The following CTTNBP2 variants were observed in gnomAD, a reference collection of about 807,000 sequenced individuals.
CTTNBP2 encodes cortactin binding protein 2.
CTTNBP2 carries 108 observed loss-of-function variants against 156.9 expected under a neutral mutation model. The ratio of observed to expected loss-of-function variants is 0.69; its 90% CI spans 0.59 to 0.81. The LOEUF (loss-of-function observed/expected upper bound fraction) is 0.81, where lower values mean the gene tolerates loss of function less well. Ranked by LOEUF, CTTNBP2 falls within the 30% of genes least tolerant of loss-of-function variation. CTTNBP2 has a pLI of 0.00. For missense variants in CTTNBP2, 1,924 were observed against 2,035.4 expected (o/e 0.95, Z 1.05); for synonymous variants, 767 against 751.8 (o/e 1.02, Z -0.33).
intron 2 of CTTNBP2, among the ~76,000 whole-genome samples, chr7:117,832,117 C>T (rs903586150): frequency 6.6e-6 from 1 of 152,192 alleles, no homozygotes; most frequent in Non-Finnish European, 1.5e-5. Context: ...CATGCCCTGG[C>T]TGTGACACTG....
At chr7:117,819,373 A>T (rs62471783) in intron 2 of CTTNBP2, among the ~76,000 whole-genome samples, 88,227 of 138,480 alleles carry the variant, frequency 0.64, 27,002 homozygotes, top group African/African-American at 0.71. Context: ...TCTCTCACAC[A>T]CACACACACA....
intron 17 of CTTNBP2, 41 bp from the exon 18 acceptor site, chr7:117,725,298 T>C: frequency 1.3e-6 from 2 of 1,556,400 alleles, no homozygotes; most frequent in South Asian, 1.1e-5. Flanking sequence ...GGAGCAGGCT[T>C]CTCAATAATT....
At chr7:117,771,700 G>A (rs1322549256) in intron 8 of CTTNBP2, among the ~76,000 whole-genome samples, 5 of 152,186 alleles carry the variant, frequency 3.3e-5, no homozygotes, top group Non-Finnish European at 5.9e-5. Flanking sequence ...CAAACATTTA[G>A]TACTTTTGGG....
intron 22 of CTTNBP2, among the ~76,000 whole-genome samples, chr7:117,713,221 T>C (rs1751495945): frequency 6.6e-6 from 1 of 152,216 alleles, no homozygotes; most frequent in Admixed American, 6.5e-5. Flanking sequence ...ACTGCTGTCC[T>C]AAATGGTAGC....
chr7:117,861,410 T>C (rs1336391104), intron 1 of CTTNBP2, 94 bp from the exon 2 acceptor site: 38 of 842,626 alleles, frequency 4.5e-5, no homozygotes, highest in Non-Finnish European at 6.9e-5. Flanking sequence ...TTTATCCCAG[T>C]GGCTCGGCAG....
At chr7:117,794,734 A>G (rs1052787097) in intron 3 of CTTNBP2, among the ~76,000 whole-genome samples, 4 of 152,210 alleles carry the variant, frequency 2.6e-5, no homozygotes, top group African/African-American at 9.7e-5. Flanking sequence ...CCATAAATAG[A>G]TAATCAGGAA....
Position 117,820,329 on chromosome 7 carries a change from C to T in CTTNBP2, c.190-9340G>A, listed in dbSNP as rs183165960. Among the ~76,000 whole-genome samples the T allele has an allele frequency of 7.5e-4, 115 of 152,340 alleles. 1 individual carries two copies. The highest frequency in any genetic ancestry group is 2.6e-3 in the African/African-American group (109 of 41,580). On this transcript the variant is annotated intron_variant, in intron 2 of 22. Transcript: ENST00000160373. ...CAGATTAACCAACCCACTATTTCTG[C>T]CCTGGGCACTGAAATATTACCATTA... is the stretch of plus-strand genomic sequence containing the variant.
chr7:117,804,546 T>G (rs35189997), intron 3 of CTTNBP2, among the ~76,000 whole-genome samples: 6,588 of 152,174 alleles, frequency 0.043, 457 homozygotes, highest in African/African-American at 0.15. Context: ...ACAGACTGGA[T>G]AAAGAAAATG....
At chr7:117,780,625 C>A in intron 6 of CTTNBP2, 34 bp from the exon 7 acceptor site, 2 of 1,461,954 alleles carry the variant, frequency 1.4e-6, no homozygotes, top group Non-Finnish European at 1.8e-6. Context: ...TACATAAAAC[C>A]TGGGTTTGAC....
At chr7:117,774,071 A>G (rs1452158957) in intron 8 of CTTNBP2, among the ~76,000 whole-genome samples, 1 of 152,216 alleles carries the variant, frequency 6.6e-6, no homozygotes, top group East Asian at 1.9e-4. Flanking sequence ...CAGAACAGGA[A>G]GTTTCGTTAA....
chr7:117,847,160 G>GA (rs368090208), intron 2 of CTTNBP2, among the ~76,000 whole-genome samples: 217 of 144,184 alleles, frequency 1.5e-3, no homozygotes, highest in African/African-American at 2.8e-3. Flanking sequence ...GGGGCATCCA[G>GA]AAAAAAAAAA....
At chr7:117,828,719 A>C (rs912836622) in intron 2 of CTTNBP2, among the ~76,000 whole-genome samples, 1 of 152,192 alleles carries the variant, frequency 6.6e-6, no homozygotes, top group Non-Finnish European at 1.5e-5. Context: ...ATATTACATC[A>C]TTTATTCAAT....
chr7:117,792,182 A>G lies in CTTNBP2; in HGVS notation c.1014T>C (p.Ser338=). 1 of 1,614,200 alleles carries G rather than the reference A, an allele frequency of 6.2e-7. No individual in the cohort carries two copies. The highest frequency in any genetic ancestry group is 8.5e-7 in the Non-Finnish European group (1 of 1,180,050). ...VKPSTGSPLV[S]ANAKGSVCTS... ...TGCACACGCTCCCTTTTGCATTTGC[A>G]GAAACTAGGGGACTCCCTGTGGAAG... is the stretch of plus-strand genomic sequence containing the variant. The change falls in exon 4 of 23, where the codon TCT becomes TCC. Residue 338 remains serine, a synonymous_variant. Coordinates refer to ENST00000160373, the MANE Select transcript of CTTNBP2 (RefSeq NM_033427.3). This position sits in a 1 kb window ranked among gnomAD's most constrained non-coding sequence, Gnocchi z 4.2.
chr7:117,825,293 C>A (rs1801214535), intron 2 of CTTNBP2, among the ~76,000 whole-genome samples: 1 of 152,174 alleles, frequency 6.6e-6, no homozygotes, highest in East Asian at 1.9e-4. Context: ...TCTGTCCTTG[C>A]AGAGTATAAG....
chr7:117,736,696 A>C (rs1795727436), intron 14 of CTTNBP2, among the ~76,000 whole-genome samples: 1 of 152,236 alleles, frequency 6.6e-6, no homozygotes, highest in African/African-American at 2.4e-5. Flanking sequence ...ATAAGGGCAC[A>C]AAACATACTT....
At chr7:117,721,729 TAAA>T (rs1039401321) in intron 19 of CTTNBP2, among the ~76,000 whole-genome samples, 1 of 152,048 alleles carries the variant, frequency 6.6e-6, no homozygotes, top group South Asian at 2.1e-4. Flanking sequence ...ATGACACAGT[TAAA>T]AAAAGAGAAA....
chr7:117,722,027 G>A (rs951332533), intron 19 of CTTNBP2, among the ~76,000 whole-genome samples: 1 of 152,170 alleles, frequency 6.6e-6, no homozygotes, highest in African/African-American at 2.4e-5. Flanking sequence ...GCAGATCAAA[G>A]AAAATCACTG....
At position 117,756,561 on chromosome 7, in the gene CTTNBP2, G is replaced by C; in HGVS notation, c.3342C>G (p.Leu1114=). 1 of 1,612,048 alleles carries C rather than the reference G, an allele frequency of 6.2e-7. No homozygotes were observed. Among genetic ancestry groups the C allele is most frequent in the Non-Finnish European group, 8.5e-7 (1 of 1,178,138 alleles). ...MIPLQMMQNY[L]RLVEQYHNVI... is the part of the protein sequence containing the mutation. ...CCCAGCAGTGTCCACCTACCAGCCTGAGGTAGTTCTGCATCATCTGGAGAG... is the reference window on the plus strand; with the variant it reads ...CCCAGCAGTGTCCACCTACCAGCCTCAGGTAGTTCTGCATCATCTGGAGAG... Residue 1114 remains leucine, a synonymous_variant, in exon 12 of 23, where the codon CTC becomes CTG. Coordinates refer to ENST00000160373, the MANE Select transcript of CTTNBP2 (RefSeq NM_033427.3).
At chr7:117,791,058 A>G (rs1798970417) in intron 4 of CTTNBP2, 70 bp downstream of exon 4, 2 of 1,312,232 alleles carry the variant, frequency 1.5e-6, no homozygotes, top group Non-Finnish European at 2.1e-6. Context: ...AGGCAATGTG[A>G]AGAAAATCAA....
Sources: gnomAD v4.1 joint callset for allele counts (sites outside exome capture counted in the v4.1 genomes callset) on GRCh38, gnomAD v4.1.1 for gene constraint, Gnocchi (gnomAD v3.1) non-coding constraint, MANE v1.5 for transcripts, NCBI Gene and HGNC (gene_info 2026-07-23, HGNC 2026-07-21) for gene names.